Variants in ERBB4 observed in about 807,000 individuals in gnomAD.
ERBB4 encodes the protein receptor tyrosine-protein kinase erbB-4.
In ERBB4, 42 loss-of-function variants were observed where a neutral mutation model predicts 158.0. The ratio of observed to expected loss-of-function variants is 0.27; its 90% CI spans 0.21 to 0.34. The LOEUF (loss-of-function observed/expected upper bound fraction) is 0.34, where lower values mean the gene tolerates loss of function less well. Among genes scored for constraint, ERBB4 ranks in the 10% least tolerant of loss-of-function variants. The probability of loss-of-function intolerance (pLI) is 1.00; values close to 1 mark genes in which losing one functional copy is unlikely to be tolerated. For synonymous variants in ERBB4, 583 were observed against 558.7 expected (o/e 1.04, Z -0.61); for missense variants, 1,333 against 1,624.1 (o/e 0.82, Z 3.08).
intron 25 of ERBB4, among the ~76,000 whole-genome samples, chr2:211,394,534 T>G (rs547648436): frequency 1.4e-4 from 21 of 152,176 alleles, no homozygotes; most frequent in Non-Finnish European, 2.8e-4. Context: ...TCTCAAAGAC[T>G]TCTCAGTAAT....
intron 2 of ERBB4, among the ~76,000 whole-genome samples, chr2:211,982,232 T>C (rs1046545363): frequency 3.9e-5 from 6 of 152,204 alleles, no homozygotes; most frequent in African/African-American, 1.4e-4. Flanking sequence ...GACTAAAGGA[T>C]AGTACAAGCA....
At chr2:211,768,075 C>G (rs2075598149) in intron 4 of ERBB4, among the ~76,000 whole-genome samples, 1 of 152,198 alleles carries the variant, frequency 6.6e-6, no homozygotes, top group Non-Finnish European at 1.5e-5. Context: ...TACACTCATT[C>G]CAAATGGGAG....
intron 3 of ERBB4, among the ~76,000 whole-genome samples, chr2:211,822,577 T>C (rs1191863886): frequency 1.3e-5 from 2 of 152,004 alleles, no homozygotes; most frequent in Non-Finnish European, 2.9e-5. Context: ...TGAAAGAATA[T>C]TCCATAGAAA....
At chr2:211,630,360 C>T (rs2125871915) in intron 17 of ERBB4, 102 bp downstream of exon 17, 2 of 1,372,452 alleles carry the variant, frequency 1.5e-6, no homozygotes, top group Non-Finnish European at 2.1e-6. Context: ...AATTAGGACA[C>T]TGAACAGAAT....
chr2:211,818,349 T>C (rs1253721304), intron 3 of ERBB4, among the ~76,000 whole-genome samples: 2 of 152,238 alleles, frequency 1.3e-5, no homozygotes, highest in African/African-American at 4.8e-5. Context: ...ATCTGTCTAA[T>C]GAGAGATCAG....
At chr2:212,016,806 C>T (rs1164509567) in intron 2 of ERBB4, among the ~76,000 whole-genome samples, 1 of 151,940 alleles carries the variant, frequency 6.6e-6, no homozygotes, top group Non-Finnish European at 1.5e-5. Context: ...GTAATTAACT[C>T]CTCAATGCCT....
At chr2:211,986,423 C>T (rs1325309095) in intron 2 of ERBB4, among the ~76,000 whole-genome samples, 2 of 152,108 alleles carry the variant, frequency 1.3e-5, no homozygotes, top group African/African-American at 4.8e-5. Flanking sequence ...ATTGTTAGAA[C>T]TCGTATTAGA....
intron 1 of ERBB4, among the ~76,000 whole-genome samples, chr2:212,504,310 C>A (rs1327784853): frequency 1.3e-5 from 2 of 152,036 alleles, no homozygotes; most frequent in Non-Finnish European, 2.9e-5. Flanking sequence ...TATTTATTTT[C>A]TTCTACATTA....
intron 25 of ERBB4, 28 bp downstream of exon 25, chr2:211,420,413 A>ATGAT: frequency 6.9e-7 from 1 of 1,456,758 alleles, no homozygotes; most frequent in Non-Finnish European, 9.6e-7. Context: ...CAGAAAGAAT[A>ATGAT]TGATATGTGT....
In ERBB4 at chr2:211,415,146, T is replaced by C. The variant is rs546521707; in HGVS notation, c.3135+5295A>G. Among the ~76,000 whole-genome samples, 8 of 125,288 alleles carry C rather than the reference T, an allele frequency of 6.4e-5. No homozygotes were observed. The South Asian group carries it at 2.3e-3, about 36-fold the overall frequency. 82.2% of individuals were successfully genotyped at this position (125,288 alleles called of 152,430 possible). A position where few individuals can be genotyped will look rare whatever the true frequency, so the allele number is the denominator to read the frequency against. ...TTTTTTTTTTTTTTGAGACGGAGTC[T>C]CGCTCTGTCGCCCAGGCTGGAGTGC... is the stretch of plus-strand genomic sequence containing the variant. On this transcript the variant is annotated intron_variant, in intron 25 of 27. Transcript: ENST00000342788.
intron 1 of ERBB4, among the ~76,000 whole-genome samples, chr2:212,378,072 GA>G (rs1205152245): frequency 6.6e-6 from 1 of 151,770 alleles, no homozygotes; most frequent in Non-Finnish European, 1.5e-5. Flanking sequence ...TGTCCCATTG[GA>G]AGGTCTTCAC....
Position 211,754,219 on chromosome 2 carries a change from T to C in ERBB4, c.557-3515A>G, listed in dbSNP as rs181680098. On this transcript the variant is annotated intron_variant, in intron 4 of 27. Transcript: ENST00000342788. ...TGTGTCTGTCATATTCAGTGTGAAT[T>C]AGTTTTATAAACTACTTCTCCCCAG... Among the ~76,000 whole-genome samples, 38 of 149,468 alleles carry C rather than the reference T, an allele frequency of 2.5e-4. No homozygotes were observed. The East Asian group carries it at 7.1e-3, about 28-fold the overall frequency.
At chr2:212,072,825 TGAGATTATTAG>T (rs1467883041) in intron 2 of ERBB4, among the ~76,000 whole-genome samples, 3 of 151,906 alleles carry the variant, frequency 2.0e-5, no homozygotes, top group Non-Finnish European at 4.4e-5. Flanking sequence ...TCATGGAGCT[TGAGATTATTAG>T]GAGAAATGGG....
intron 1 of ERBB4, among the ~76,000 whole-genome samples, chr2:212,440,876 A>T (rs541381937): frequency 1.8e-4 from 28 of 152,318 alleles, no homozygotes; most frequent in Admixed American, 3.9e-4. Flanking sequence ...TTTAGTGGAC[A>T]AAGTGATGAA....
At chr2:211,998,529 CAAAAAAA>C (rs36008694) in intron 2 of ERBB4, among the ~76,000 whole-genome samples, 4 of 116,290 alleles carry the variant, frequency 3.4e-5, no homozygotes, top group East Asian at 5.3e-4. Flanking sequence ...CTCATACTGC[CAAAAAAA>C]AAAAAAAAAA....
At chr2:212,252,508 G>T (rs1300690672) in intron 1 of ERBB4, among the ~76,000 whole-genome samples, 1 of 152,046 alleles carries the variant, frequency 6.6e-6, no homozygotes, top group Non-Finnish European at 1.5e-5. Context: ...TAGTAAAATG[G>T]TAAGGTCCAC....
intron 4 of ERBB4, among the ~76,000 whole-genome samples, chr2:211,751,544 C>T (rs2075129420): frequency 6.6e-6 from 1 of 152,098 alleles, no homozygotes; most frequent in Non-Finnish European, 1.5e-5. Flanking sequence ...TTTCCATAAA[C>T]AGAAATGTTT....
At chr2:211,413,800 T>G (rs1360757943) in intron 25 of ERBB4, among the ~76,000 whole-genome samples, 2 of 151,818 alleles carry the variant, frequency 1.3e-5, no homozygotes, top group Non-Finnish European at 2.9e-5. Flanking sequence ...GCGGACACAT[T>G]GAAGGGTGAG....
At chr2:212,318,229 G>T (rs1193659431) in intron 1 of ERBB4, among the ~76,000 whole-genome samples, 1 of 151,522 alleles carries the variant, frequency 6.6e-6, no homozygotes, top group Non-Finnish European at 1.5e-5. Flanking sequence ...TTGTGCTTAA[G>T]GGTTCAGTAT....
Sources: gnomAD v4.1 joint callset for allele counts (sites outside exome capture counted in the v4.1 genomes callset) on GRCh38, gnomAD v4.1.1 for gene constraint, MANE v1.5 for transcripts, NCBI Gene and HGNC (gene_info 2026-07-23, HGNC 2026-07-21) for gene names.